MLIP: variants seen among roughly 807,000 people sequenced by gnomAD.
MLIP encodes the protein muscular LMNA-interacting protein.
Under a neutral mutation model 84.8 loss-of-function variants are expected in MLIP, and 79 were observed. The observed-to-expected ratio is 0.93, with a 90% CI of 0.78 to 1.12. The LOEUF is 1.12. MLIP is among the 50% of genes most tolerant of loss of function. The pLI is 0.00. For synonymous variants in MLIP, 504 were observed against 463.0 expected (o/e 1.09, Z -1.14); for missense variants, 1,257 against 1,160.6 (o/e 1.08, Z -1.21).
chr6:54,174,883 C>G (rs534754572), intron 9 of MLIP, among the ~76,000 whole-genome samples: 1 of 151,938 alleles, frequency 6.6e-6, no homozygotes, highest in South Asian at 2.1e-4. Context: ...AGTTTGAGGT[C>G]TTAGGTTTAA....
intron 9 of MLIP, among the ~76,000 whole-genome samples, chr6:54,173,821 C>A (rs1341262674): frequency 1.3e-5 from 2 of 151,760 alleles, no homozygotes; most frequent in African/African-American, 4.8e-5. Context: ...AATACCAGAT[C>A]TTGTTAATTC....
intron 12 of MLIP, among the ~76,000 whole-genome samples, chr6:54,233,538 A>G (rs1014254330): frequency 2.6e-5 from 4 of 152,090 alleles, no homozygotes; most frequent in African/African-American, 9.7e-5. Flanking sequence ...ATAGTATTCC[A>G]TGGTGTATAT....
intron 1 of MLIP, among the ~76,000 whole-genome samples, chr6:54,097,113 A>G (rs1327240122): frequency 6.6e-6 from 1 of 152,234 alleles, no homozygotes; most frequent in Admixed American, 6.5e-5. Flanking sequence ...AGATTAGATC[A>G]GGCTGTGCAA....
At chr6:54,112,022 C>T (rs1183365524) in intron 1 of MLIP, among the ~76,000 whole-genome samples, 1 of 152,162 alleles carries the variant, frequency 6.6e-6, no homozygotes, top group Non-Finnish European at 1.5e-5. Flanking sequence ...AGATTTTGAG[C>T]ATTTCAAAGT....
chr6:54,070,193 G>A (rs940795709), intron 1 of MLIP, among the ~76,000 whole-genome samples: 3 of 152,126 alleles, frequency 2.0e-5, no homozygotes, highest in Non-Finnish European at 4.4e-5. Flanking sequence ...TGTGACAGCT[G>A]TCCAGCTTAC....
At chr6:54,121,989 G>C (rs1392856163) in intron 2 of MLIP, among the ~76,000 whole-genome samples, 1 of 152,144 alleles carries the variant, frequency 6.6e-6, no homozygotes, top group Non-Finnish European at 1.5e-5. Flanking sequence ...ATTAAAAAAT[G>C]TAATACCTGA....
intron 9 of MLIP, among the ~76,000 whole-genome samples, chr6:54,175,930 T>G (rs955601199): frequency 2.0e-5 from 3 of 152,038 alleles, no homozygotes; most frequent in African/African-American, 7.2e-5. Context: ...TTTTGAGAGT[T>G]TTTTAATCAT....
At chr6:54,019,500 G>A (rs936546684) in intron 1 of MLIP, among the ~76,000 whole-genome samples, 3 of 152,130 alleles carry the variant, frequency 2.0e-5, no homozygotes, top group Non-Finnish European at 4.4e-5. Flanking sequence ...ATATATTAAT[G>A]TTTTATTAAG....
intron 9 of MLIP, among the ~76,000 whole-genome samples, chr6:54,173,838 T>A (rs1054432011): frequency 1.3e-5 from 2 of 151,524 alleles, no homozygotes; most frequent in Non-Finnish European, 3.0e-5. Context: ...ATTCTTTCTA[T>A]TTTTTTTGTA....
chr6:54,057,323 T>C (rs1169604642), intron 1 of MLIP, among the ~76,000 whole-genome samples: 1 of 152,206 alleles, frequency 6.6e-6, no homozygotes, highest in East Asian at 1.9e-4. Context: ...CTAAGTTCAG[T>C]AGTTACAACT....
intron 11 of MLIP, among the ~76,000 whole-genome samples, chr6:54,209,380 C>G (rs1779258967): frequency 6.6e-6 from 1 of 152,076 alleles, no homozygotes; most frequent in African/African-American, 2.4e-5. Flanking sequence ...TTGAATTCCA[C>G]TAAAATAAAA....
In MLIP at chr6:54,231,419, G is replaced by A. The variant is rs111961931; in HGVS notation, c.2922+502G>A. On this transcript the variant is annotated intron_variant, in intron 12 of 13. Transcript: ENST00000502396. ...TGTCTGCTTCACTGTGTATAGTAACGCGATGTGTAAAAAATAATGAAGTGT... is the reference window on the plus strand; with the variant it reads ...TGTCTGCTTCACTGTGTATAGTAACACGATGTGTAAAAAATAATGAAGTGT... 1.4e-4 allele frequency among the ~76,000 whole-genome samples: 22 copies of A among 152,142 alleles called. 1 individual carries two copies. Among genetic ancestry groups the A allele is most frequent in the South Asian group, 1.2e-3 (6 of 4,824 alleles).
At chr6:54,172,976 G>A (rs113708920) in intron 9 of MLIP, among the ~76,000 whole-genome samples, 1 of 151,798 alleles carries the variant, frequency 6.6e-6, no homozygotes, top group African/African-American at 2.4e-5. Flanking sequence ...ATGTTGAATA[G>A]GGAGTGAGCC....
Position 54,266,179 on chromosome 6 carries a change from G to A in MLIP, c.*224G>A. On this transcript the variant is annotated 3_prime_UTR_variant, in exon 14 of 14. Coordinates refer to ENST00000502396, the MANE Select transcript of MLIP (RefSeq NM_001281747.2). ...TTTACCTACAGCTTTTTGCACCACTGTTCTAGCCTTTAATGCCTTCTACTT... is the reference window on the plus strand; with the variant it reads ...TTTACCTACAGCTTTTTGCACCACTATTCTAGCCTTTAATGCCTTCTACTT... 1 of 556,400 alleles carries A rather than the reference G, an allele frequency of 1.8e-6. No homozygotes were observed. The highest frequency in any genetic ancestry group is 3.2e-6 in the Non-Finnish European group (1 of 309,682). The allele number at this position is 556,400 out of a possible 1,614,324, so 34.5% of individuals were successfully genotyped here. A position where few individuals can be genotyped will look rare whatever the true frequency, so the allele number is the denominator to read the frequency against.
chr6:54,111,332 C>T (rs1056330937), upstream of MLIP: 3 of 1,348,086 alleles, frequency 2.2e-6, no homozygotes, highest in Admixed American at 5.8e-5. Flanking sequence ...CTCTTCGGAG[C>T]TGACACAATT....
intron 1 of MLIP, among the ~76,000 whole-genome samples, chr6:54,056,285 A>G (rs1765654910): frequency 6.6e-6 from 1 of 152,174 alleles, no homozygotes; most frequent in African/African-American, 2.4e-5. Context: ...AGTTTGAGGA[A>G]TTGAAAGATT....
At chr6:54,224,183 G>A (rs996031177) in intron 11 of MLIP, among the ~76,000 whole-genome samples, 1 of 151,906 alleles carries the variant, frequency 6.6e-6, no homozygotes, top group African/African-American at 2.4e-5. Context: ...TTTGAAAAAA[G>A]TGCAAAATAG....
intron 4 of MLIP, among the ~76,000 whole-genome samples, chr6:54,140,088 T>C (rs1185195345): frequency 6.6e-6 from 1 of 152,198 alleles, no homozygotes; most frequent in Non-Finnish European, 1.5e-5. Context: ...AATTTATTTG[T>C]AGAGTATTTA....
chr6:54,121,207 A>G (rs946399996), intron 1 of MLIP, among the ~76,000 whole-genome samples: 4 of 152,170 alleles, frequency 2.6e-5, no homozygotes, highest in Non-Finnish European at 4.4e-5. Context: ...GTTTTATGCC[A>G]TCCCCTACAA....
Sources: gnomAD v4.1 joint callset for allele counts (sites outside exome capture counted in the v4.1 genomes callset) on GRCh38, gnomAD v4.1.1 for gene constraint, MANE v1.5 for transcripts, NCBI Gene and HGNC (gene_info 2026-07-23, HGNC 2026-07-21) for gene names.